FAM169A: variants seen among roughly 807,000 people sequenced by gnomAD.
FAM169A encodes family with sequence similarity 169 member A.
Under a neutral mutation model 75.7 loss-of-function variants are expected in FAM169A, and 24 were observed. The ratio of observed to expected loss-of-function variants is 0.32; its 90% confidence interval spans 0.23 to 0.45. The LOEUF (loss-of-function observed/expected upper bound fraction) is 0.45, where lower values mean the gene tolerates loss of function less well. Ranked by LOEUF, FAM169A falls within the 20% of genes least tolerant of loss-of-function variation. The pLI is 1.00. For missense variants in FAM169A, 673 were observed against 784.0 expected (o/e 0.86, Z 1.69); for synonymous variants, 271 against 271.0 (o/e 1.00, Z 0.00).
intron 11 of FAM169A, among the ~76,000 whole-genome samples, chr5:74,789,946 G>A (rs1745889749): frequency 6.6e-6 from 1 of 152,228 alleles, no homozygotes; most frequent in South Asian, 2.1e-4. Flanking sequence ...AAGTCACCAT[G>A]TGACCTGAAC....
chr5:74,819,292 C>T (rs927702599), intron 5 of FAM169A, among the ~76,000 whole-genome samples: 20 of 151,596 alleles, frequency 1.3e-4, no homozygotes, highest in African/African-American at 4.1e-4. Context: ...CCAATAAGCA[C>T]GCAAAAAGAT....
At chr5:74,862,666 C>A (rs1750097624) in intron 1 of FAM169A, among the ~76,000 whole-genome samples, 1 of 152,200 alleles carries the variant, frequency 6.6e-6, no homozygotes, top group Non-Finnish European at 1.5e-5. Context: ...CCCAGCCTAA[C>A]AGTACACCTT....
chr5:74,806,250 C>G (rs1217008310), intron 6 of FAM169A, among the ~76,000 whole-genome samples: 2 of 152,074 alleles, frequency 1.3e-5, no homozygotes, highest in Non-Finnish European at 2.9e-5. Context: ...TAGGAAAGAA[C>G]CACACGTACA....
chr5:74,812,870 G>T (rs977962073), intron 6 of FAM169A, among the ~76,000 whole-genome samples: 4 of 152,212 alleles, frequency 2.6e-5, no homozygotes, highest in Non-Finnish European at 4.4e-5. Flanking sequence ...TGTTGGTGAG[G>T]ATGAAGATGT....
intron 6 of FAM169A, among the ~76,000 whole-genome samples, chr5:74,809,896 C>A (rs1192882129): frequency 6.6e-6 from 1 of 152,116 alleles, no homozygotes; most frequent in African/African-American, 2.4e-5. Context: ...AACGGGAATG[C>A]GAAATGACAT....
At chr5:74,814,149 T>C (rs935573229) in intron 5 of FAM169A, 130 bp from the exon 6 acceptor site, 23 of 569,464 alleles carry the variant, frequency 4.0e-5, no homozygotes, top group Non-Finnish European at 6.6e-5. Context: ...TATATAAATG[T>C]TATAATATAA....
intron 5 of FAM169A, among the ~76,000 whole-genome samples, chr5:74,814,869 G>A (rs2112579686): frequency 6.6e-6 from 1 of 152,200 alleles, no homozygotes; most frequent in South Asian, 2.1e-4. Flanking sequence ...ATAGTTATCA[G>A]TCATTATTCT....
At chr5:74,802,039 C>A (rs1399249299) in intron 8 of FAM169A, among the ~76,000 whole-genome samples, 3 of 152,190 alleles carry the variant, frequency 2.0e-5, no homozygotes, top group African/African-American at 7.2e-5. Flanking sequence ...CAATTTCACA[C>A]TCAATCATTC....
intron 5 of FAM169A, among the ~76,000 whole-genome samples, chr5:74,815,869 C>T (rs1174080147): frequency 1.3e-5 from 2 of 152,154 alleles, no homozygotes; most frequent in Non-Finnish European, 2.9e-5. Flanking sequence ...AGGAAGTTAC[C>T]CAATATGGTC....
chr5:74,796,811 A>C (rs1746302746), intron 10 of FAM169A, among the ~76,000 whole-genome samples: 1 of 152,024 alleles, frequency 6.6e-6, no homozygotes, highest in Non-Finnish European at 1.5e-5. Context: ...CAGTTTACAG[A>C]CTTTTGTTCA....
chr5:74,799,305 G>A, intron 10 of FAM169A: 1 of 1,590,130 alleles, frequency 6.3e-7, no homozygotes, highest in Non-Finnish European at 8.6e-7. Context: ...TTGTGAAGTG[G>A]TCCGCCCTAG....
At chr5:74,857,571 GGAAAAAAAAAAA>G (rs1268787397) in intron 1 of FAM169A, among the ~76,000 whole-genome samples, 108 of 65,746 alleles carry the variant, frequency 1.6e-3, no homozygotes, top group Middle Eastern at 0.014. Flanking sequence ...CCTTGCCGCG[GGAAAAAAAAAAA>G]AAAAAAAAAA....
rs1745361699 is a variant in FAM169A, at chr5:74,780,533, T to A, written c.*927A>T. 6.6e-6 allele frequency: 1 copy of A among 152,194 alleles called. No homozygotes were observed. Among genetic ancestry groups the A allele is most frequent in the Non-Finnish European group, 1.5e-5 (1 of 68,030 alleles). The allele number at this position is 152,194 out of a possible 1,614,324, so 9.4% of individuals were successfully genotyped here. Reference sequence around the variant, plus strand: ...ATGCCTTAGGAAGGAGCCTCATACTTCTGAAATATAGATGTTAACTGGGTT... The same window carrying A: ...ATGCCTTAGGAAGGAGCCTCATACTACTGAAATATAGATGTTAACTGGGTT... On this transcript the variant is annotated 3_prime_UTR_variant, in exon 13 of 13. Coordinates refer to ENST00000687041, the MANE Select transcript of FAM169A (RefSeq NM_001376049.1).
chr5:74,801,191 T>C (rs1463380802), intron 9 of FAM169A, among the ~76,000 whole-genome samples, 161 bp from the exon 10 acceptor site: 1 of 152,228 alleles, frequency 6.6e-6, no homozygotes, highest in African/African-American at 2.4e-5. Flanking sequence ...AAAATTATTT[T>C]ATAATTTACA....
At chr5:74,782,573 G>A (rs931171654) in intron 12 of FAM169A, among the ~76,000 whole-genome samples, 3 of 152,080 alleles carry the variant, frequency 2.0e-5, no homozygotes, top group African/African-American at 7.2e-5. Flanking sequence ...AACCTAATCT[G>A]TCTGCCTAAT....
chr5:74,781,662 T>G lies in FAM169A; in HGVS notation c.1811A>C (p.Asn604Thr). ...VELEDVPFSQ[N>T]AGQKNQSEEQ... is the part of the protein sequence containing the mutation. ...CTCTGACTGATTCTTCTGTCCTGCATTCTGTGAAAATGGCACGTCTTCAAG... is the reference window on the plus strand; with the variant it reads ...CTCTGACTGATTCTTCTGTCCTGCAGTCTGTGAAAATGGCACGTCTTCAAG... Residue 604 changes from asparagine (N) to threonine (T), a missense_variant, in exon 13 of 13, where the codon AAT becomes ACT. Physicochemically the swap from Asn to Thr is moderately conservative, Grantham distance 65 (BLOSUM62 0). Coordinates refer to ENST00000687041, the MANE Select transcript of FAM169A (RefSeq NM_001376049.1). 6.2e-7 allele frequency: 1 copy of G among 1,614,192 alleles called. No individual in the cohort carries two copies. The highest frequency in any genetic ancestry group is 8.5e-7 in the Non-Finnish European group (1 of 1,180,018).
In FAM169A at chr5:74,796,201, A is replaced by G. The variant is rs1390141276; in HGVS notation, c.1104-15T>C. On this transcript the variant is annotated splice_polypyrimidine_tract_variant and intron_variant, in intron 10 of 12. Transcript: ENST00000687041. ...TAGACTCCAATCTAAAAAACAAAAGAAAACCATTCTGACTTGTTTTATTAA... is the reference window on the plus strand; with the variant it reads ...TAGACTCCAATCTAAAAAACAAAAGGAAACCATTCTGACTTGTTTTATTAA... 1.3e-6 allele frequency: 2 copies of G among 1,593,176 alleles called. No homozygotes were observed. The highest frequency in any genetic ancestry group is 2.3e-5 in the South Asian group (2 of 86,102).
chr5:74,800,914 T>C lies in FAM169A; in HGVS notation c.1069A>G (p.Thr357Ala), dbSNP rs374275749. The change falls in exon 10 of 13, where the codon ACC becomes GCC. Residue 357 changes from threonine (T) to alanine (A), a missense_variant. Around this residue, in one of 3 missense-constraint regions of FAM169A, gnomAD observed 510 missense variants for 550.9 expected, o/e 0.93. Transcript: ENST00000687041. ...FSSSQGEDEK[T>A]SQTSLTASIN... ...GAAGCTGTAAGTGAAGTCTGGGAGG[T>C]CTTTTCATCTTCACCTTGAGAACTG... 9 of 1,504,398 alleles carry C rather than the reference T, an allele frequency of 6.0e-6. No individual in the cohort carries two copies. The African/African-American group carries it at 1.1e-4, about 19-fold the overall frequency. The allele number at this position is 1,504,398 out of a possible 1,614,324, so 93.2% of individuals were successfully genotyped here.
At chr5:74,860,827 T>TAAAAAA (rs11293001) in intron 1 of FAM169A, among the ~76,000 whole-genome samples, 4 of 71,654 alleles carry the variant, frequency 5.6e-5, no homozygotes, top group Non-Finnish European at 8.8e-5. Context: ...AATGTAGCAC[T>TAAAAAA]AAAAAAAAAA....
Sources: gnomAD v4.1 joint callset for allele counts (sites outside exome capture counted in the v4.1 genomes callset) on GRCh38, gnomAD v4.1.1 for gene constraint, gnomAD v4.1.1 regional missense constraint, MANE v1.5 for transcripts, NCBI Gene and HGNC (gene_info 2026-07-23, HGNC 2026-07-21) for gene names.